Variants in PRP4K observed in about 807,000 individuals in gnomAD.
The protein encoded by PRP4K is serine/threonine-protein kinase PRP4 homolog.
chr6:4,026,203 C>T, the PRP4K span, among the ~76,000 whole-genome samples: 1 of 151,080 alleles, frequency 6.6e-6, no homozygotes, highest in African/African-American at 2.4e-5. Context: ...GGGGTTTCTC[C>T]ATGTTGGTCA....
the PRP4K span, among the ~76,000 whole-genome samples, chr6:4,034,706 A>ATTTAT: frequency 5.3e-5 from 8 of 151,626 alleles, no homozygotes; most frequent in African/African-American, 1.7e-4. Flanking sequence ...ATTTTTATTT[A>ATTTAT]TTTATTTTAT....
At chr6:4,063,449 A>G in the PRP4K span, 1 of 152,202 alleles carries the variant, frequency 6.6e-6, no homozygotes, top group Non-Finnish European at 1.5e-5. Flanking sequence ...ATATATCTGA[A>G]AGTAGTCTTC....
At chr6:4,032,718 CGA>C in the PRP4K span, 8 of 1,588,768 alleles carry the variant, frequency 5.0e-6, no homozygotes, top group South Asian at 9.4e-5. Flanking sequence ...AGAAAGAAAA[CGA>C]CGAGAACCAG....
At chr6:4,062,784 T>C in the PRP4K span, 1 of 152,538 alleles carries the variant, frequency 6.6e-6, no homozygotes. The surrounding 1 kb of genome is among the most constrained non-coding windows in gnomAD (Gnocchi z 4.2). Flanking sequence ...TCAGGTAGAG[T>C]GAAGCCTTTT....
At chr6:4,060,672 C>T in the PRP4K span, 1 of 1,450,036 alleles carries the variant, frequency 6.9e-7, no homozygotes, top group South Asian at 1.3e-5. This position sits in a 1 kb window ranked among gnomAD's most constrained non-coding sequence, Gnocchi z 4.7. Context: ...AGAAATTTCA[C>T]AGCAGTTTAT....
the PRP4K span, chr6:4,063,556 G>T: frequency 6.6e-6 from 1 of 151,992 alleles, no homozygotes. Flanking sequence ...TAGAAACCTC[G>T]TTATTAACCA....
the PRP4K span, among the ~76,000 whole-genome samples, chr6:4,035,873 G>C: frequency 6.6e-6 from 1 of 152,056 alleles, no homozygotes; most frequent in Non-Finnish European, 1.5e-5. Flanking sequence ...GCTGAGGCGG[G>C]AGAATCTCTT....
the PRP4K span, chr6:4,062,875 A>C: frequency 6.6e-6 from 1 of 152,592 alleles, no homozygotes; most frequent in Non-Finnish European, 1.5e-5. The surrounding 1 kb of genome is among the most constrained non-coding windows in gnomAD (Gnocchi z 4.2). Flanking sequence ...TTCGGTGATA[A>C]TATGCTGCAT....
the PRP4K span, among the ~76,000 whole-genome samples, chr6:4,024,785 T>C: frequency 6.6e-6 from 1 of 152,164 alleles, no homozygotes; most frequent in Non-Finnish European, 1.5e-5. Context: ...GTATTTTTAG[T>C]AGAGACGGGA....
chr6:4,051,151 C>A, the PRP4K span, among the ~76,000 whole-genome samples: 1 of 151,902 alleles, frequency 6.6e-6, no homozygotes, highest in Non-Finnish European at 1.5e-5. Context: ...CTCAAGTGAT[C>A]CACCTGCCTC....
chr6:4,021,640 C>T, the PRP4K span, among the ~76,000 whole-genome samples: 2 of 152,144 alleles, frequency 1.3e-5, no homozygotes, highest in Non-Finnish European at 2.9e-5. Context: ...GAGCTTCCTT[C>T]TCCCAGAGGC....
the PRP4K span, among the ~76,000 whole-genome samples, chr6:4,047,992 A>G: frequency 6.6e-6 from 1 of 151,726 alleles, no homozygotes; most frequent in Non-Finnish European, 1.5e-5. Flanking sequence ...AGAGGATGAA[A>G]TGAGTATTGA....
chr6:4,056,277 T>A, the PRP4K span: 1 of 1,377,694 alleles, frequency 7.3e-7, no homozygotes, highest in Non-Finnish European at 1.0e-6. Flanking sequence ...TTGTATTAAT[T>A]ATTCCTGGCT....
chr6:4,029,927 C>CTT, the PRP4K span, among the ~76,000 whole-genome samples: 1 of 149,884 alleles, frequency 6.7e-6, no homozygotes, highest in Non-Finnish European at 1.5e-5. Context: ...GTTTTGTAAT[C>CTT]TGTTTTCTTT....
the PRP4K span, chr6:4,056,323 T>C: frequency 6.2e-7 from 1 of 1,609,082 alleles, no homozygotes; most frequent in Non-Finnish European, 8.5e-7. Flanking sequence ...TTTTGCAGGT[T>C]AATGAATCCA....
chr6:4,042,662 TAGAAA>T, the PRP4K span: 6 of 843,960 alleles, frequency 7.1e-6, no homozygotes, highest in East Asian at 1.6e-4. Context: ...AACAGGTCCT[TAGAAA>T]AGGATAGTAT....
chr6:4,037,873 A>G, the PRP4K span, among the ~76,000 whole-genome samples: 1 of 145,946 alleles, frequency 6.9e-6, no homozygotes. Context: ...TTTTTTTTTT[A>G]ACCAGCAAGG....
At chr6:4,040,661 C>G in the PRP4K span, 1 of 1,208,714 alleles carries the variant, frequency 8.3e-7, no homozygotes, top group Non-Finnish European at 1.1e-6. Context: ...AGGTTTACAG[C>G]AAAATTGAGT....
At chr6:4,021,320 A>T in the PRP4K span, 1 of 1,459,816 alleles carries the variant, frequency 6.9e-7, no homozygotes, top group Non-Finnish European at 9.3e-7. Context: ...TCTTCCCTAC[A>T]CGGTCGGCAC....
Sources: allele counts gnomAD v4.1 joint callset (sites outside exome capture counted in the v4.1 genomes callset), GRCh38; gene constraint gnomAD v4.1.1; non-coding constraint Gnocchi (gnomAD v3.1); transcripts MANE v1.5; gene names NCBI Gene and HGNC (gene_info 2026-07-23, HGNC 2026-07-21).